Variants in AOPEP observed in about 807,000 individuals in gnomAD.
AOPEP encodes the protein aminopeptidase O.
In AOPEP, 77 loss-of-function variants were observed where a neutral mutation model predicts 98.1. The observed-to-expected ratio is 0.78, with a 90% CI of 0.65 to 0.95. The LOEUF (loss-of-function observed/expected upper bound fraction) is 0.95, where lower values mean the gene tolerates loss of function less well. Among genes scored for constraint, AOPEP ranks in the 40% least tolerant of loss-of-function variants. AOPEP has a pLI of 0.00. For synonymous variants in AOPEP, 346 were observed against 365.3 expected (o/e 0.95, Z 0.60); for missense variants, 1,024 against 1,024.7 (o/e 1.00, Z 0.01).
At chr9:95,011,342 C>T (rs751883464) in intron 13 of AOPEP, among the ~76,000 whole-genome samples, 1 of 151,736 alleles carries the variant, frequency 6.6e-6, no homozygotes, top group Non-Finnish European at 1.5e-5. Context: ...ACTACAGGCA[C>T]GTGCCACCAC....
intron 13 of AOPEP, 30 bp downstream of exon 13, chr9:95,005,646 A>G: frequency 6.3e-7 from 1 of 1,587,884 alleles, no homozygotes; most frequent in Admixed American, 1.7e-5. Context: ...TACTCGGTGC[A>G]GGTCTTGGTA....
chr9:94,981,236 TAA>T (rs1318711295), intron 11 of AOPEP, among the ~76,000 whole-genome samples: 13 of 152,108 alleles, frequency 8.5e-5, no homozygotes, highest in Non-Finnish European at 1.2e-4. Flanking sequence ...TGGTTTTCAT[TAA>T]AAGAGGGAGG....
chr9:94,759,349 T>TG, intron 1 of AOPEP, among the ~76,000 whole-genome samples: 1 of 152,378 alleles, frequency 6.6e-6, no homozygotes, highest in East Asian at 1.9e-4. Flanking sequence ...ACAGTGATGC[T>TG]GGGTTACACT....
At chr9:94,779,307 G>T (rs766024799) in intron 3 of AOPEP, among the ~76,000 whole-genome samples, 4 of 152,172 alleles carry the variant, frequency 2.6e-5, no homozygotes, top group Non-Finnish European at 5.9e-5. Flanking sequence ...CTATAGCAGT[G>T]TGCTTGTGAT....
chr9:94,931,380 T>C (rs910969458), intron 7 of AOPEP, among the ~76,000 whole-genome samples: 1 of 152,204 alleles, frequency 6.6e-6, no homozygotes, highest in Non-Finnish European at 1.5e-5. Flanking sequence ...GAAAGGCTTA[T>C]TGCACATCAA....
chr9:94,763,345 T>C (rs925813), intron 2 of AOPEP: 20,726 of 237,746 alleles, frequency 0.087, 1,069 homozygotes, highest in African/African-American at 0.13. Flanking sequence ...TCTTTTAAGT[T>C]CCATTAGTGG....
intron 16 of AOPEP, chr9:95,085,629 C>T: frequency 1.0e-5 from 4 of 381,544 alleles, no homozygotes; most frequent in South Asian, 5.8e-5. Context: ...GGGTGCGGAG[C>T]GCGATCCTGG....
intron 11 of AOPEP, among the ~76,000 whole-genome samples, chr9:94,994,285 G>T (rs570425916): frequency 6.6e-6 from 1 of 152,286 alleles, no homozygotes; most frequent in East Asian, 1.9e-4. Context: ...TATGTAGATT[G>T]TCTAACTCTC....
chr9:95,057,203 AC>A (rs1213327407), intron 13 of AOPEP, among the ~76,000 whole-genome samples: 1 of 152,228 alleles, frequency 6.6e-6, no homozygotes, highest in African/African-American at 2.4e-5. Context: ...ACTCTGTGGT[AC>A]GACCAAAGCC....
intron 13 of AOPEP, among the ~76,000 whole-genome samples, chr9:95,013,452 C>T (rs1413543562): frequency 7.3e-5 from 11 of 150,716 alleles, no homozygotes; most frequent in African/African-American, 2.0e-4. Flanking sequence ...GACAGTCGGC[C>T]GGAGGATTGT....
intron 5 of AOPEP, among the ~76,000 whole-genome samples, chr9:94,879,015 T>TG (rs951372948): frequency 6.6e-6 from 1 of 152,214 alleles, no homozygotes; most frequent in African/African-American, 2.4e-5. Context: ...CTTCTTGTGC[T>TG]GAGTCAGTTC....
At chr9:94,762,680 G>A (rs994081415) in intron 2 of AOPEP, among the ~76,000 whole-genome samples, 3 of 152,120 alleles carry the variant, frequency 2.0e-5, no homozygotes, top group Non-Finnish European at 4.4e-5. Flanking sequence ...ATTCTAGAAA[G>A]GTGTTTTCTC....
intron 3 of AOPEP, among the ~76,000 whole-genome samples, chr9:94,789,664 G>A (rs1845215470): frequency 6.6e-6 from 1 of 152,162 alleles, no homozygotes; most frequent in African/African-American, 2.4e-5. Context: ...AATGGGAGAG[G>A]TGGAGTCCCT....
At chr9:94,749,805 G>T (rs753018252) in intron 1 of AOPEP, among the ~76,000 whole-genome samples, 1 of 152,136 alleles carries the variant, frequency 6.6e-6, no homozygotes, top group African/African-American at 2.4e-5. Flanking sequence ...ATGAATAGCT[G>T]CTTTAAAATC....
At chr9:94,816,466 C>T (rs1851723474) in intron 5 of AOPEP, among the ~76,000 whole-genome samples, 1 of 152,172 alleles carries the variant, frequency 6.6e-6, no homozygotes. Flanking sequence ...CTAGATCAAA[C>T]ACTGAAAAAG....
the AOPEP span, among the ~76,000 whole-genome samples, chr9:95,108,057 G>C: frequency 6.6e-6 from 1 of 152,212 alleles, no homozygotes; most frequent in Admixed American, 6.5e-5. Context: ...CTCGTGAACA[G>C]CTATGTTCCA....
intron 10 of AOPEP, among the ~76,000 whole-genome samples, chr9:94,969,342 G>C (rs1483547035): frequency 6.6e-6 from 1 of 151,754 alleles, no homozygotes; most frequent in Non-Finnish European, 1.5e-5. Flanking sequence ...GTTAAAATAC[G>C]CTCATTCCAA....
At chr9:94,753,205 A>G (rs1456284468) in intron 1 of AOPEP, among the ~76,000 whole-genome samples, 2 of 152,214 alleles carry the variant, frequency 1.3e-5, no homozygotes, top group Non-Finnish European at 2.9e-5. Context: ...GTCATGCAAC[A>G]AGTAGAATAA....
chr9:94,933,072 C>T, intron 7 of AOPEP: 1 of 985,600 alleles, frequency 1.0e-6, no homozygotes, highest in Non-Finnish European at 1.2e-6. Context: ...CCTCTCTGGC[C>T]CTGGGCAGAA....
Sources: allele counts gnomAD v4.1 joint callset (sites outside exome capture counted in the v4.1 genomes callset), GRCh38; gene constraint gnomAD v4.1.1; transcripts MANE v1.5; gene names NCBI Gene and HGNC (gene_info 2026-07-23, HGNC 2026-07-21).